Variants in LRBA observed in about 807,000 individuals in gnomAD.
LRBA encodes the protein lipopolysaccharide-responsive and beige-like anchor protein.
LRBA carries 176 observed loss-of-function variants against 330.0 expected under a neutral mutation model. That is an observed-to-expected ratio of 0.53 (90% CI 0.47 to 0.60). The LOEUF (loss-of-function observed/expected upper bound fraction) is 0.60. LRBA is among the 20% of genes least tolerant of loss of function. The probability of loss-of-function intolerance (pLI) is 0.00; values close to 1 mark genes in which losing one functional copy is unlikely to be tolerated. For missense variants in LRBA, 3,259 were observed against 3,444.8 expected, an observed-to-expected ratio of 0.95 and a Z score of 1.35; for synonymous variants, 1,230 against 1,193.0, an observed-to-expected ratio of 1.03 and a Z score of -0.64.
chr4:150,491,132 A>G, intron 40 of LRBA, 97 bp from the exon 41 acceptor site: 1 of 503,888 alleles, frequency 2.0e-6, no homozygotes, highest in Non-Finnish European at 3.5e-6. Context: ...TATTAAGAAA[A>G]ATAATTTTTA....
At chr4:150,821,063 C>T (rs1402075316) in intron 30 of LRBA, among the ~76,000 whole-genome samples, 2 of 152,068 alleles carry the variant, frequency 1.3e-5, no homozygotes, top group Admixed American at 6.6e-5. Context: ...TGGCATCTTT[C>T]TCAGGCTACA....
intron 34 of LRBA, among the ~76,000 whole-genome samples, chr4:150,775,451 GAACACA>G (rs1737147443): frequency 9.2e-6 from 1 of 108,700 alleles, no homozygotes; most frequent in South Asian, 3.4e-4. Flanking sequence ...GTCTGCAATG[GAACACA>G]CACACACACA....
At chr4:150,604,185 A>G (rs1226020051) in intron 37 of LRBA, among the ~76,000 whole-genome samples, 1 of 151,958 alleles carries the variant, frequency 6.6e-6, no homozygotes, top group Non-Finnish European at 1.5e-5. Context: ...AAGGAAGGAA[A>G]ACTGCTTGAG....
intron 40 of LRBA, among the ~76,000 whole-genome samples, chr4:150,500,850 G>T (rs1303041461): frequency 6.6e-6 from 1 of 152,192 alleles, no homozygotes; most frequent in Admixed American, 6.5e-5. Flanking sequence ...CATAGAACTT[G>T]ATGCTAAGAG....
At chr4:150,520,014 CATTT>C (rs1399413658) in intron 40 of LRBA, among the ~76,000 whole-genome samples, 1 of 152,078 alleles carries the variant, frequency 6.6e-6, no homozygotes, top group African/African-American at 2.4e-5. Flanking sequence ...ATCTTTTGTC[CATTT>C]GTTTTATTGA....
At chr4:150,462,681 A>T (rs1754930022) in intron 44 of LRBA, among the ~76,000 whole-genome samples, 1 of 151,828 alleles carries the variant, frequency 6.6e-6, no homozygotes, top group Admixed American at 6.6e-5. Context: ...TGGCAAAATT[A>T]AATAGATATA....
rs193234730 is a variant in LRBA, at chr4:150,922,003, G to A, written c.550-710C>T. ...CTCCCAAAGTGGTGGGATTACAGGCGTAAGCCACTGTGCCCGGCCTATATT... is the reference window on the plus strand; with the variant it reads ...CTCCCAAAGTGGTGGGATTACAGGCATAAGCCACTGTGCCCGGCCTATATT... On this transcript the variant is annotated intron_variant, in intron 4 of 56. Transcript: ENST00000651943. Among the ~76,000 whole-genome samples the A allele has an allele frequency of 3.2e-3, 491 of 152,126 alleles. 2 individuals are homozygous for A. Among genetic ancestry groups the A allele is most frequent in the African/African-American group, 0.011 (465 of 41,502 alleles).
At chr4:150,717,758 C>CA (rs1365799522) in intron 36 of LRBA, among the ~76,000 whole-genome samples, 2 of 150,156 alleles carry the variant, frequency 1.3e-5, no homozygotes, top group Non-Finnish European at 3.0e-5. Context: ...TTTATTACTT[C>CA]AAAAAAACCG....
chr4:150,429,185 G>C (rs1244663914), intron 46 of LRBA, among the ~76,000 whole-genome samples: 1 of 151,954 alleles, frequency 6.6e-6, no homozygotes, highest in Non-Finnish European at 1.5e-5. Context: ...GGTGATGGGG[G>C]CAATTTTAAA....
chr4:150,462,005 A>T (rs1156719105), intron 44 of LRBA, among the ~76,000 whole-genome samples: 2 of 151,802 alleles, frequency 1.3e-5, no homozygotes, highest in Non-Finnish European at 3.0e-5. Flanking sequence ...AAACTCAGCC[A>T]TCATAATTTA....
At chr4:150,966,311 CTTT>C (rs1178356221) in intron 2 of LRBA, among the ~76,000 whole-genome samples, 1 of 142,254 alleles carries the variant, frequency 7.0e-6, no homozygotes. Flanking sequence ...CTAGTTCATT[CTTT>C]TTTTTTTTTT....
chr4:150,717,500 CAAA>C (rs1728359159), intron 36 of LRBA, among the ~76,000 whole-genome samples: 1 of 151,078 alleles, frequency 6.6e-6, no homozygotes, highest in South Asian at 2.1e-4. Context: ...CTACAAAAAA[CAAA>C]ACAAAAATTA....
chr4:150,878,933 A>G (rs1185312336), intron 17 of LRBA, among the ~76,000 whole-genome samples: 1 of 151,248 alleles, frequency 6.6e-6, no homozygotes, highest in African/African-American at 2.4e-5. Flanking sequence ...GCCAAATTCT[A>G]GCAGATATAC....
chr4:150,973,172 T>TTGTC (rs1257358602), intron 2 of LRBA, among the ~76,000 whole-genome samples: 16 of 151,826 alleles, frequency 1.1e-4, no homozygotes, highest in Non-Finnish European at 1.9e-4. Flanking sequence ...GTTTGTTTGT[T>TTGTC]TGTTTGTTTT....
chr4:150,977,952 C>G (rs1782368), intron 2 of LRBA, among the ~76,000 whole-genome samples: 146,197 of 152,370 alleles, frequency 0.96, 70,421 homozygotes, highest in Non-Finnish European at 1. Flanking sequence ...CCAAGGGCCT[C>G]AGGAAACACG....
At chr4:150,672,457 C>A (rs1782150747) in intron 37 of LRBA, among the ~76,000 whole-genome samples, 1 of 151,296 alleles carries the variant, frequency 6.6e-6, no homozygotes, top group African/African-American at 2.4e-5. Context: ...AAAAGTAAAA[C>A]TAAGAAAATG....
At chr4:150,510,502 A>C (rs1459034177) in intron 40 of LRBA, among the ~76,000 whole-genome samples, 1 of 152,214 alleles carries the variant, frequency 6.6e-6, no homozygotes, top group Non-Finnish European at 1.5e-5. Context: ...TAAATATATT[A>C]AATGTCTTCT....
intron 37 of LRBA, among the ~76,000 whole-genome samples, chr4:150,667,005 C>CACCCAAAA (rs1439988592): frequency 1.3e-5 from 2 of 152,114 alleles, no homozygotes; most frequent in African/African-American, 4.8e-5. Context: ...GTACTGAAAA[C>CACCCAAAA]ACCCAAAAAC....
At chr4:150,430,381 G>A (rs1163219178) in intron 46 of LRBA, among the ~76,000 whole-genome samples, 1 of 152,098 alleles carries the variant, frequency 6.6e-6, no homozygotes, top group Non-Finnish European at 1.5e-5. Context: ...CTGCACCCAG[G>A]ATAAAGTTCA....
Sources: allele counts gnomAD v4.1 joint callset (sites outside exome capture counted in the v4.1 genomes callset), GRCh38; gene constraint gnomAD v4.1.1; transcripts MANE v1.5; gene names NCBI Gene and HGNC (gene_info 2026-07-23, HGNC 2026-07-21).